The following PAQR5 variants were observed in gnomAD, a reference collection of about 807,000 sequenced individuals.
The protein encoded by PAQR5 is progestin and adipoQ receptor family member 5.
Under a neutral mutation model 34.5 loss-of-function variants are expected in PAQR5, and 20 were observed. The ratio of observed to expected loss-of-function variants is 0.58; its 90% CI spans 0.41 to 0.84. The LOEUF (loss-of-function observed/expected upper bound fraction) is 0.84, where lower values mean the gene tolerates loss of function less well. Ranked by LOEUF, PAQR5 falls within the 40% of genes least tolerant of loss-of-function variation. PAQR5 has a pLI of 0.00. For synonymous variants in PAQR5, 131 were observed against 155.6 expected, an observed-to-expected ratio of 0.84 and a Z score of 1.18; for missense variants, 378 against 412.7, an observed-to-expected ratio of 0.92 and a Z score of 0.73.
chr15:69,393,769 G>A (rs1464158359), intron 6 of PAQR5, among the ~76,000 whole-genome samples: 1 of 152,160 alleles, frequency 6.6e-6, no homozygotes, highest in Non-Finnish European at 1.5e-5. Flanking sequence ...AATGGCATTC[G>A]TTCCATTACA....
intron 3 of PAQR5, among the ~76,000 whole-genome samples, chr15:69,378,428 C>A (rs2055777440): frequency 7.8e-6 from 1 of 128,336 alleles, no homozygotes; most frequent in Non-Finnish European, 1.6e-5. Flanking sequence ...CAGATCAAGA[C>A]CCTGTCTCAA....
chr15:69,327,289 C>A (rs1375705597), intron 1 of PAQR5, among the ~76,000 whole-genome samples: 1 of 152,130 alleles, frequency 6.6e-6, no homozygotes, highest in Non-Finnish European at 1.5e-5. Context: ...ACTGCGCCCA[C>A]CACATGCGGA....
chr15:69,374,575 G>C (rs2055653589), intron 3 of PAQR5, among the ~76,000 whole-genome samples: 1 of 152,166 alleles, frequency 6.6e-6, no homozygotes, highest in Non-Finnish European at 1.5e-5. Flanking sequence ...TACTCAGGAG[G>C]CTGAGGCATG....
intron 7 of PAQR5, among the ~76,000 whole-genome samples, chr15:69,399,759 C>T (rs1285271651): frequency 1.3e-5 from 2 of 152,220 alleles, no homozygotes; most frequent in Non-Finnish European, 2.9e-5. Context: ...ATCGACCACA[C>T]TCAGGATAGG....
chr15:69,399,897 A>T (rs1400500031), intron 7 of PAQR5, 77 bp from the exon 8 acceptor site: 2 of 1,470,284 alleles, frequency 1.4e-6, no homozygotes, highest in African/African-American at 2.8e-5. Context: ...AAAGTCCCAG[A>T]TGCAGGTGCT....
chr15:69,305,351 T>G (rs2053690842), intron 1 of PAQR5, among the ~76,000 whole-genome samples: 1 of 152,156 alleles, frequency 6.6e-6, no homozygotes, highest in South Asian at 2.1e-4. Flanking sequence ...CCATGTTCTC[T>G]TTCCAGCCCC....
At chr15:69,320,391 G>A (rs1049669698) in intron 1 of PAQR5, among the ~76,000 whole-genome samples, 2 of 152,178 alleles carry the variant, frequency 1.3e-5, no homozygotes, top group Non-Finnish European at 2.9e-5. Flanking sequence ...GGTTCGGCCT[G>A]GGCATTAGTA....
chr15:69,326,721 G>A (rs2054260047), intron 1 of PAQR5, among the ~76,000 whole-genome samples: 2 of 152,084 alleles, frequency 1.3e-5, no homozygotes, highest in Admixed American at 6.6e-5. Context: ...ACAGGCGTGA[G>A]CCACCGCACC....
intron 1 of PAQR5, among the ~76,000 whole-genome samples, chr15:69,302,258 A>G (rs1172925306): frequency 6.6e-6 from 1 of 151,856 alleles, no homozygotes; most frequent in Admixed American, 6.6e-5. Context: ...TTTTTTGTAG[A>G]GGTGGGGTCT....
intron 2 of PAQR5, among the ~76,000 whole-genome samples, chr15:69,346,621 ATTT>A (rs59483245): frequency 3.8e-5 from 5 of 132,552 alleles, no homozygotes; most frequent in African/African-American, 5.6e-5. Context: ...TCCAGCTGCA[ATTT>A]TTTTTTTTTT....
chr15:69,301,780 A>G (rs535313581), intron 1 of PAQR5, among the ~76,000 whole-genome samples: 161 of 150,908 alleles, frequency 1.1e-3, no homozygotes, highest in Non-Finnish European at 1.9e-3. Flanking sequence ...CTGAGTACAC[A>G]GAAGGTTTAC....
chr15:69,308,249 G>T (rs945122191), intron 1 of PAQR5, among the ~76,000 whole-genome samples: 8 of 152,150 alleles, frequency 5.3e-5, no homozygotes, highest in Admixed American at 2.6e-4. Flanking sequence ...GGCACTGTGG[G>T]TAGAGACCCA....
At position 69,379,743 on chromosome 15, in the gene PAQR5, T is replaced by C. The variant is rs1335210004; in HGVS notation, c.52-140T>C. On this transcript the variant is annotated intron_variant, in intron 3 of 8. Coordinates refer to ENST00000395407, the MANE Select transcript of PAQR5 (RefSeq NM_017705.4). ...AAGCTACTGCGAGGGAAGGAGAGAG[T>C]GAGGGGAACAGCTTAACAGGTTAAG... 60 of 1,217,732 alleles carry C rather than the reference T, an allele frequency of 4.9e-5. 1 individual carries two copies. Among genetic ancestry groups the C allele is most frequent in the Non-Finnish European group, 3.4e-6 (3 of 893,286 alleles). The allele number at this position is 1,217,732 out of a possible 1,614,324, so 75.4% of individuals were successfully genotyped here. A position where few individuals can be genotyped will look rare whatever the true frequency, so the allele number is the denominator to read the frequency against.
chr15:69,324,372 A>G (rs531095348), intron 1 of PAQR5, among the ~76,000 whole-genome samples: 1 of 152,354 alleles, frequency 6.6e-6, no homozygotes, highest in East Asian at 1.9e-4. Flanking sequence ...CTTAAAATGC[A>G]GTGGTGATAA....
chr15:69,389,320 C>T (rs374664773), intron 5 of PAQR5, among the ~76,000 whole-genome samples: 32 of 152,294 alleles, frequency 2.1e-4, no homozygotes, highest in East Asian at 1.9e-3. Flanking sequence ...GGACCCTGGG[C>T]GAGTGATTAA....
At chr15:69,401,911 T>G (rs1462773905) in intron 8 of PAQR5, among the ~76,000 whole-genome samples, 1 of 152,180 alleles carries the variant, frequency 6.6e-6, no homozygotes, top group East Asian at 1.9e-4. Context: ...ATTTTTTATT[T>G]TTCTAGAGAT....
chr15:69,332,300 C>G (rs1419041731), intron 1 of PAQR5, among the ~76,000 whole-genome samples: 2 of 152,196 alleles, frequency 1.3e-5, no homozygotes, highest in African/African-American at 2.4e-5. Context: ...GCTTGGCAGG[C>G]TGGTCAGTTA....
At chr15:69,384,445 C>T (rs374799970) in intron 4 of PAQR5, among the ~76,000 whole-genome samples, 9 of 42,644 alleles carry the variant, frequency 2.1e-4, no homozygotes, top group African/African-American at 5.3e-4. Context: ...GGTGAGCGGG[C>T]CCTCCGTGTT....
At chr15:69,363,501 G>A (rs914622197) in intron 3 of PAQR5, among the ~76,000 whole-genome samples, 11 of 149,866 alleles carry the variant, frequency 7.3e-5, no homozygotes, top group African/African-American at 2.7e-4. Flanking sequence ...CACTTTGCCA[G>A]GAAACAAGAA....
Sources: allele counts gnomAD v4.1 joint callset (sites outside exome capture counted in the v4.1 genomes callset), GRCh38; gene constraint gnomAD v4.1.1; transcripts MANE v1.5; gene names NCBI Gene and HGNC (gene_info 2026-07-23, HGNC 2026-07-21).